RGL1: variants seen among roughly 807,000 people sequenced by gnomAD.
The protein encoded by RGL1 is ral guanine nucleotide dissociation stimulator-like 1.
A neutral mutation model predicts 95.2 loss-of-function variants in RGL1; 24 were observed. That is an observed-to-expected ratio of 0.25 (90% CI 0.18 to 0.35). The LOEUF (loss-of-function observed/expected upper bound fraction) is 0.35, where lower values mean the gene tolerates loss of function less well. Ranked by LOEUF, RGL1 falls within the 10% of genes least tolerant of loss-of-function variation. The pLI is 1.00. For missense variants in RGL1, 715 were observed against 936.3 expected, an observed-to-expected ratio of 0.76 and a Z score of 3.08; for synonymous variants, 329 against 344.9, an observed-to-expected ratio of 0.95 and a Z score of 0.51.
Position 183,667,677 on chromosome 1 carries a change from A to G in RGL1, c.-33+31176A>G, listed in dbSNP as rs549896907. 1.2e-4 allele frequency among the ~76,000 whole-genome samples: 19 copies of G among 152,160 alleles called. No homozygotes were observed. In the South Asian group the frequency reaches 3.5e-3, roughly 28 times the overall value. ...TGGTATTTGGATTAATATCTACCTT[A>G]TTTAATACTGTTTTTTATTTGTTGC... On this transcript the variant is annotated intron_variant, in intron 1 of 18. Coordinates refer to the RGL1 transcript ENST00000304685.
At chr1:183,900,009 A>T (rs1026278734) in intron 10 of RGL1, 141 bp from the exon 11 acceptor site, 39 of 569,924 alleles carry the variant, frequency 6.8e-5, no homozygotes, top group Non-Finnish European at 1.1e-4. Context: ...GTAGAAATTT[A>T]AAAAATGTTA....
chr1:183,886,336 C>T (rs1667108111), intron 7 of RGL1, among the ~76,000 whole-genome samples: 1 of 152,026 alleles, frequency 6.6e-6, no homozygotes, highest in South Asian at 2.1e-4. Context: ...GTAAGAGATA[C>T]AAAAGAAGTT....
intron 8 of RGL1, among the ~76,000 whole-genome samples, chr1:183,890,596 A>G (rs572243999): frequency 3.3e-5 from 5 of 152,200 alleles, no homozygotes; most frequent in Non-Finnish European, 4.4e-5. Context: ...TTATTTGGAC[A>G]TGGTACATCT....
At chr1:183,658,260 C>T (rs984737947) in intron 1 of RGL1, among the ~76,000 whole-genome samples, 4 of 152,230 alleles carry the variant, frequency 2.6e-5, no homozygotes, top group African/African-American at 9.6e-5. Context: ...CGAGGCATTG[C>T]CTCACTCGGG....
chr1:183,875,086 G>T (rs1327443329), intron 4 of RGL1, among the ~76,000 whole-genome samples: 1 of 152,192 alleles, frequency 6.6e-6, no homozygotes, highest in Non-Finnish European at 1.5e-5. Flanking sequence ...AGTTCTCAGA[G>T]AATGTATTAA....
chr1:183,858,874 A>G (rs776802149), intron 3 of RGL1, among the ~76,000 whole-genome samples: 16 of 152,214 alleles, frequency 1.1e-4, no homozygotes, highest in Non-Finnish European at 2.2e-4. Flanking sequence ...AAATGAAAGG[A>G]TGCCATGATA....
intron 2 of RGL1, among the ~76,000 whole-genome samples, chr1:183,798,956 G>T (rs1268720329): frequency 6.8e-6 from 1 of 146,954 alleles, no homozygotes; most frequent in Non-Finnish European, 1.5e-5. Context: ...CCAGGCTGGA[G>T]TGCAGTGGCA....
chr1:183,866,622 G>A (rs1425338852), intron 4 of RGL1, among the ~76,000 whole-genome samples: 9 of 152,200 alleles, frequency 5.9e-5, no homozygotes, highest in African/African-American at 1.7e-4. Flanking sequence ...TGAGCACTGT[G>A]AGGTGAGCAG....
At chr1:183,860,616 C>T (rs1287054124) in intron 3 of RGL1, among the ~76,000 whole-genome samples, 2 of 152,156 alleles carry the variant, frequency 1.3e-5, no homozygotes, top group South Asian at 2.1e-4. Flanking sequence ...GGAGAGTTTA[C>T]TTAGTTTTCA....
At chr1:183,883,003 G>A (rs927253838) in intron 5 of RGL1, among the ~76,000 whole-genome samples, 3 of 152,186 alleles carry the variant, frequency 2.0e-5, no homozygotes. Flanking sequence ...GAAACAACCC[G>A]AGCACTGGGG....
At chr1:183,870,555 T>G (rs974629971) in intron 4 of RGL1, among the ~76,000 whole-genome samples, 6 of 152,190 alleles carry the variant, frequency 3.9e-5, no homozygotes, top group African/African-American at 1.4e-4. Flanking sequence ...CGCGTGCTGC[T>G]GGCGCAAGTG....
intron 2 of RGL1, among the ~76,000 whole-genome samples, chr1:183,812,982 C>T (rs986488270): frequency 1.3e-5 from 2 of 152,128 alleles, no homozygotes; most frequent in African/African-American, 4.8e-5. Flanking sequence ...TTAGCATAGT[C>T]ATTGAAGAGT....
intron 3 of RGL1, among the ~76,000 whole-genome samples, chr1:183,863,795 A>T (rs147368620): frequency 6.6e-6 from 1 of 152,244 alleles, no homozygotes; most frequent in Non-Finnish European, 1.5e-5. Context: ...CTTTTTATCC[A>T]TGGCCCTTAT....
At chr1:183,686,023 A>G (rs1438724542) in intron 1 of RGL1, among the ~76,000 whole-genome samples, 1 of 152,228 alleles carries the variant, frequency 6.6e-6, no homozygotes, top group Non-Finnish European at 1.5e-5. Flanking sequence ...GTTTAGCACA[A>G]ATCACTAACT....
At chr1:183,896,502 G>C (rs888890067) in intron 9 of RGL1, among the ~76,000 whole-genome samples, 1 of 152,136 alleles carries the variant, frequency 6.6e-6, no homozygotes, top group Admixed American at 6.5e-5. Context: ...CCTGAGTTAA[G>C]GCTGAGAGAT....
chr1:183,887,175 T>TTCCTTCCTTCCTTCCTTCCTTCCTTC (rs1558272497), intron 7 of RGL1, among the ~76,000 whole-genome samples: 1 of 1,450 alleles, frequency 6.9e-4, no homozygotes, highest in Admixed American at 4.7e-3. Context: ...TCCCTCCCTC[T>TTCCTTCCTTCCTTCCTTCCTTCCTTC]TTTCCTCCCT....
chr1:183,647,148 C>G (rs1446178923), intron 1 of RGL1: 1 of 152,828 alleles, frequency 6.5e-6, no homozygotes, highest in South Asian at 2.0e-4. Context: ...AGCAGAAGAG[C>G]TTTTTCCCAC....
chr1:183,732,871 A>G (rs193121398), intron 1 of RGL1, among the ~76,000 whole-genome samples: 1 of 152,328 alleles, frequency 6.6e-6, no homozygotes, highest in Admixed American at 6.5e-5. Flanking sequence ...TTGCTATGCA[A>G]AGCAGTTTCT....
At chr1:183,728,640 T>C (rs1255901369) in intron 1 of RGL1, among the ~76,000 whole-genome samples, 1 of 152,162 alleles carries the variant, frequency 6.6e-6, no homozygotes, top group Non-Finnish European at 1.5e-5. Flanking sequence ...CTTATAGAAA[T>C]GTTCAAGCCA....
Sources: gnomAD v4.1 joint callset for allele counts (sites outside exome capture counted in the v4.1 genomes callset) on GRCh38, gnomAD v4.1.1 for gene constraint, MANE v1.5 for transcripts, NCBI Gene and HGNC (gene_info 2026-07-23, HGNC 2026-07-21) for gene names.